The following FGF14 variants were observed in gnomAD, a reference collection of about 807,000 sequenced individuals.
The protein encoded by FGF14 is fibroblast growth factor 14.
FGF14 carries 5 observed loss-of-function variants against 25.5 expected under a neutral mutation model. The ratio of observed to expected loss-of-function variants is 0.20; its 90% CI spans 0.10 to 0.41. FGF14 has a LOEUF of 0.41. Ranked by LOEUF, FGF14 falls within the 10% of genes least tolerant of loss-of-function variation. The pLI is 1.00. For synonymous variants in FGF14, 138 were observed against 118.3 expected (o/e 1.17, Z -1.08); for missense variants, 222 against 320.1 (o/e 0.69, Z 2.34).
chr13:101,728,489 G>A (rs1290780328), intron 3 of FGF14, among the ~76,000 whole-genome samples: 2 of 151,790 alleles, frequency 1.3e-5, no homozygotes, highest in Admixed American at 6.6e-5. Flanking sequence ...CAGGCCATGC[G>A]CCCGAAAAAA....
At chr13:102,373,449 T>A (rs2057946145) in intron 1 of FGF14, 1 of 152,158 alleles carries the variant, frequency 6.6e-6, no homozygotes, top group Non-Finnish European at 1.5e-5. Flanking sequence ...ATGACCATAA[T>A]AACTCCAAGA....
At chr13:102,276,892 G>A (rs2053578132) in intron 1 of FGF14, among the ~76,000 whole-genome samples, 1 of 152,178 alleles carries the variant, frequency 6.6e-6, no homozygotes, top group South Asian at 2.1e-4. Flanking sequence ...TAACTTGGTA[G>A]TATGTTCACA....
At chr13:101,786,672 C>T (rs2039847207) in intron 3 of FGF14, among the ~76,000 whole-genome samples, 1 of 152,116 alleles carries the variant, frequency 6.6e-6, no homozygotes, top group African/African-American at 2.4e-5. Flanking sequence ...GATTTCATTA[C>T]CTCCTTAAAA....
At chr13:101,815,506 T>C (rs1255671950) in intron 3 of FGF14, among the ~76,000 whole-genome samples, 1 of 152,098 alleles carries the variant, frequency 6.6e-6, no homozygotes, top group East Asian at 1.9e-4. Context: ...CCTTATATTT[T>C]AAGAAGCACT....
chr13:102,163,413 T>G (rs1409196197), intron 1 of FGF14, among the ~76,000 whole-genome samples: 1 of 152,022 alleles, frequency 6.6e-6, no homozygotes, highest in African/African-American at 2.4e-5. Context: ...CATACTAAGC[T>G]CCAGGGTTAT....
chr13:102,131,389 T>C (rs1465843904), intron 1 of FGF14, among the ~76,000 whole-genome samples: 1 of 152,216 alleles, frequency 6.6e-6, no homozygotes, highest in Admixed American at 6.5e-5. Flanking sequence ...TTAAAATTAG[T>C]GCAAATGAAA....
At chr13:101,905,437 C>T (rs577737921) in intron 1 of FGF14, among the ~76,000 whole-genome samples, 2 of 152,186 alleles carry the variant, frequency 1.3e-5, no homozygotes, top group East Asian at 3.9e-4. Context: ...TCATTCTCAG[C>T]AAACTAACAC....
intron 3 of FGF14, among the ~76,000 whole-genome samples, chr13:101,777,571 T>G (rs1246394410): frequency 1.3e-5 from 2 of 152,188 alleles, no homozygotes; most frequent in Non-Finnish European, 1.5e-5. Flanking sequence ...GAGGGAAGCC[T>G]TTGGGATCAC....
intron 1 of FGF14, among the ~76,000 whole-genome samples, chr13:102,306,623 G>A (rs992111398): frequency 6.6e-6 from 1 of 152,114 alleles, no homozygotes; most frequent in African/African-American, 2.4e-5. Flanking sequence ...GTAAGACTGT[G>A]TGCCCAAAAC....
intron 3 of FGF14, among the ~76,000 whole-genome samples, chr13:101,855,006 G>C (rs2044049910): frequency 6.6e-6 from 1 of 151,880 alleles, no homozygotes; most frequent in Non-Finnish European, 1.5e-5. Flanking sequence ...GTGTAGGAAA[G>C]ACTTTGTCTT....
intron 1 of FGF14, among the ~76,000 whole-genome samples, chr13:102,211,547 A>G (rs1039547628): frequency 5.3e-5 from 8 of 152,262 alleles, no homozygotes; most frequent in Admixed American, 1.3e-4. Flanking sequence ...TTAAGGGGGG[A>G]AAAAGCCAAC....
rs1329911513 is a variant in FGF14 at position 101,950,169 on chromosome 13, T to C, written c.209-74873A>G. 2.0e-5 allele frequency among the ~76,000 whole-genome samples: 3 copies of C among 152,208 alleles called. No homozygotes were observed. The East Asian group carries it at 5.8e-4, about 29-fold the overall frequency. On this transcript the variant is annotated intron_variant, in intron 1 of 4. Coordinates refer to the FGF14 transcript ENST00000376131. ...CAGAAAAGCCTGGGTTTCTAAGTCA[T>C]TAAAGAGCCACTCAACGAGTCTATA... is the stretch of plus-strand genomic sequence containing the variant.
chr13:102,244,938 T>C (rs1251686358), intron 1 of FGF14, among the ~76,000 whole-genome samples: 1 of 152,086 alleles, frequency 6.6e-6, no homozygotes, highest in Non-Finnish European at 1.5e-5. Context: ...AATAAGGTAG[T>C]AGAAAAAACA....
chr13:101,984,938 T>G (rs2038479467), intron 1 of FGF14, among the ~76,000 whole-genome samples: 1 of 152,126 alleles, frequency 6.6e-6, no homozygotes, highest in South Asian at 2.1e-4. Flanking sequence ...AAGACTCACT[T>G]GGACTATGGT....
At chr13:101,769,716 A>G (rs779177203) in intron 3 of FGF14, among the ~76,000 whole-genome samples, 5 of 152,190 alleles carry the variant, frequency 3.3e-5, no homozygotes, top group African/African-American at 7.2e-5. Flanking sequence ...AAAAGCCTAC[A>G]TACCACATGA....
chr13:102,043,705 T>G (rs978018699), intron 1 of FGF14, among the ~76,000 whole-genome samples: 8 of 152,098 alleles, frequency 5.3e-5, no homozygotes, highest in African/African-American at 1.9e-4. Flanking sequence ...ATAAGAAACA[T>G]GAAACTAGAT....
chr13:102,111,203 C>T (rs1566698891), intron 1 of FGF14, among the ~76,000 whole-genome samples: 2 of 152,178 alleles, frequency 1.3e-5, no homozygotes, highest in Admixed American at 6.5e-5. Flanking sequence ...ATACATGAAA[C>T]GGAATATCCC....
At chr13:101,782,086 T>C (rs1293605844) in intron 3 of FGF14, among the ~76,000 whole-genome samples, 10 of 152,192 alleles carry the variant, frequency 6.6e-5, no homozygotes, top group Non-Finnish European at 7.3e-5. Context: ...ATTCCAGTCC[T>C]GTCTCCTAAT....
At chr13:102,307,214 T>C (rs1328235351) in intron 1 of FGF14, among the ~76,000 whole-genome samples, 1 of 152,112 alleles carries the variant, frequency 6.6e-6, no homozygotes, top group Non-Finnish European at 1.5e-5. Context: ...CATGACCATA[T>C]GGAACCTAAC....
Sources: allele counts gnomAD v4.1 joint callset (sites outside exome capture counted in the v4.1 genomes callset), GRCh38; gene constraint gnomAD v4.1.1; transcripts MANE v1.5; gene names NCBI Gene and HGNC (gene_info 2026-07-23, HGNC 2026-07-21).